The following CEP76 variants were observed in gnomAD, a reference collection of about 807,000 sequenced individuals.
CEP76 encodes the protein centrosomal protein of 76 kDa.
A neutral mutation model predicts 83.3 loss-of-function variants in CEP76; 55 were observed. That is an observed-to-expected ratio of 0.66 (90% CI 0.53 to 0.83). The LOEUF (loss-of-function observed/expected upper bound fraction) is 0.83, where lower values mean the gene tolerates loss of function less well. Ranked by LOEUF, CEP76 falls within the 40% of genes least tolerant of loss-of-function variation. The pLI is 0.00. For missense variants in CEP76, 694 were observed against 799.5 expected, an observed-to-expected ratio of 0.87 and a Z score of 1.59; for synonymous variants, 270 against 274.5, an observed-to-expected ratio of 0.98 and a Z score of 0.16.
At chr18:12,702,104 C>T (rs892945889) in intron 1 of CEP76, among the ~76,000 whole-genome samples, 4 of 152,154 alleles carry the variant, frequency 2.6e-5, no homozygotes, top group African/African-American at 7.2e-5. Flanking sequence ...CCAGCCTGGG[C>T]AACAGAGAGA....
chr18:12,676,648 G>A (rs2039145886), intron 10 of CEP76, among the ~76,000 whole-genome samples: 1 of 152,120 alleles, frequency 6.6e-6, no homozygotes, highest in Admixed American at 6.6e-5. Flanking sequence ...GCCAATACAA[G>A]TGATGGAAGG....
intron 6 of CEP76, 44 bp downstream of exon 6, chr18:12,695,210 A>G: frequency 1.2e-6 from 1 of 861,034 alleles, no homozygotes; most frequent in South Asian, 1.9e-5. Flanking sequence ...ATATACTACT[A>G]TGAAAACAAA....
intron 11 of CEP76, 146 bp downstream of exon 11, chr18:12,674,390 C>T: frequency 1.6e-6 from 1 of 607,080 alleles, no homozygotes; most frequent in South Asian, 2.3e-5. Flanking sequence ...TACAGTGAGC[C>T]ATAACTGTGC....
chr18:12,683,505 CT>C (rs2039425303), intron 8 of CEP76, among the ~76,000 whole-genome samples: 1 of 151,998 alleles, frequency 6.6e-6, no homozygotes, highest in Non-Finnish European at 1.5e-5. Flanking sequence ...GAAATCAGCA[CT>C]TTAGGAGGCA....
At chr18:12,681,727 C>CATT (rs1338688170) in intron 8 of CEP76, among the ~76,000 whole-genome samples, 1 of 151,986 alleles carries the variant, frequency 6.6e-6, no homozygotes, top group Non-Finnish European at 1.5e-5. Flanking sequence ...CAACAAAATG[C>CATT]CAACAATGGT....
At chr18:12,698,197 A>G (rs1047210360) in intron 4 of CEP76, among the ~76,000 whole-genome samples, 2 of 151,588 alleles carry the variant, frequency 1.3e-5, no homozygotes, top group African/African-American at 4.8e-5. Flanking sequence ...AAAATTTATT[A>G]GAAGTTTTTA....
chr18:12,697,092 T>C lies in CEP76; in HGVS notation c.706+131A>G, dbSNP rs555250335. 17 of 628,478 alleles carry C rather than the reference T, an allele frequency of 2.7e-5. No individual in the cohort carries two copies. In the African/African-American group the frequency reaches 3.0e-4, roughly 11 times the overall value. The allele number at this position is 628,478 out of a possible 1,614,324, so 38.9% of individuals were successfully genotyped here. A position where few individuals can be genotyped will look rare whatever the true frequency, so the allele number is the denominator to read the frequency against. ...TCAAGATTAGGATGCTGAGGTCCAA[T>C]TGTAACTCTAACGAAATTCTATTTT... On this transcript the variant is annotated intron_variant, in intron 5 of 11. Transcript: ENST00000262127.
rs747919063 is a variant in CEP76 at position 12,699,223 on chromosome 18, A to G, written c.296-20T>C. 2 of 1,507,100 alleles carry G rather than the reference A, an allele frequency of 1.3e-6. No individual in the cohort carries two copies. The highest frequency in any genetic ancestry group is 1.2e-5 in the South Asian group (1 of 85,488). 93.4% of individuals were successfully genotyped at this position (1,507,100 alleles called of 1,614,324 possible). ...TATTAGCTGTAAAGTGTAGCAATATATATGAGGAAACTGCCAAATAACTTA... is the reference window on the plus strand; with the variant it reads ...TATTAGCTGTAAAGTGTAGCAATATGTATGAGGAAACTGCCAAATAACTTA... On this transcript the variant is annotated intron_variant, in intron 3 of 11. Coordinates refer to ENST00000262127, the MANE Select transcript of CEP76 (RefSeq NM_024899.4).
intron 12 of CEP76, among the ~76,000 whole-genome samples, chr18:12,666,600 G>GGTTGTT (rs760290157): frequency 6.6e-6 from 1 of 151,762 alleles, no homozygotes; most frequent in Non-Finnish European, 1.5e-5. Flanking sequence ...CACCATGCCT[G>GGTTGTT]GTTGTTGTTG....
At chr18:12,663,833 G>A (rs537538265) in intron 12 of CEP76, among the ~76,000 whole-genome samples, 6 of 152,228 alleles carry the variant, frequency 3.9e-5, no homozygotes, top group East Asian at 3.9e-4. Context: ...GCAGTGGTGC[G>A]ATCATAGCTC....
intron 10 of CEP76, among the ~76,000 whole-genome samples, chr18:12,675,449 G>C (rs1039161643): frequency 6.6e-6 from 1 of 151,948 alleles, no homozygotes; most frequent in African/African-American, 2.4e-5. Flanking sequence ...GAATGAATCT[G>C]TTTACTAAAG....
rs765503834 is a variant in CEP76, at chr18:12,673,337, AG to A, written c.*27del. The A allele has an allele frequency of 6.4e-7, 1 of 1,574,088 alleles. No individual in the cohort carries two copies. Among genetic ancestry groups the A allele is most frequent in the South Asian group, 1.2e-5 (1 of 84,706 alleles). On this transcript the variant is annotated 3_prime_UTR_variant, in exon 12 of 12. Coordinates refer to ENST00000262127, the MANE Select transcript of CEP76 (RefSeq NM_024899.4). ...AATGTGTAAAATTCCAATTAAACAC[AG>A]GTATAAATCTTATATAAATATTGGC...
chr18:12,671,744 G>A (rs1347442281), downstream of CEP76, among the ~76,000 whole-genome samples: 2 of 147,684 alleles, frequency 1.4e-5, no homozygotes, highest in Admixed American at 7.0e-5. Context: ...GGACTCAAGC[G>A]ATCCTTCCGC....
At chr18:12,664,359 C>T (rs1490275095) in intron 12 of CEP76, among the ~76,000 whole-genome samples, 2 of 151,650 alleles carry the variant, frequency 1.3e-5, no homozygotes, top group East Asian at 2.0e-4. Context: ...CTGGCTAACA[C>T]GGTGAAACCT....
At chr18:12,700,361 T>C (rs1276367308) in intron 2 of CEP76, 1 of 152,698 alleles carries the variant, frequency 6.5e-6, no homozygotes, top group African/African-American at 2.4e-5. Flanking sequence ...TATTCCCTAT[T>C]GTATTATGAA....
intron 6 of CEP76, among the ~76,000 whole-genome samples, chr18:12,693,096 T>C (rs2039826925): frequency 6.6e-6 from 1 of 152,188 alleles, no homozygotes; most frequent in Non-Finnish European, 1.5e-5. Flanking sequence ...AGTGCTGGGA[T>C]TACAGATTAA....
chr18:12,702,597 A>C lies in CEP76; in HGVS notation c.-49T>G, dbSNP rs1238461281. 1 of 1,574,758 alleles carries C rather than the reference A, an allele frequency of 6.4e-7. No homozygotes were observed. Among genetic ancestry groups the C allele is most frequent in the Non-Finnish European group, 8.6e-7 (1 of 1,165,156 alleles). ...CGCTTCTCCCCGCCTCAGATGCCCT[A>C]ACTGCGCGGCCCCGGCCGGGCCAGG... On this transcript the variant is annotated 5_prime_UTR_variant, in exon 1 of 12. Coordinates refer to ENST00000262127, the MANE Select transcript of CEP76 (RefSeq NM_024899.4).
chr18:12,699,712 T>A, intron 3 of CEP76, 118 bp downstream of exon 3: 2 of 608,242 alleles, frequency 3.3e-6, no homozygotes, highest in Non-Finnish European at 5.5e-6. Context: ...AACCATAAAA[T>A]TTTAAGTATT....
intron 7 of CEP76, 176 bp downstream of exon 7, chr18:12,691,183 T>C (rs939536999): frequency 1.4e-5 from 6 of 438,534 alleles, no homozygotes; most frequent in Non-Finnish European, 3.9e-6. Context: ...AAGACATAGA[T>C]TGATCTTGCC....
Sources: allele counts gnomAD v4.1 joint callset (sites outside exome capture counted in the v4.1 genomes callset), GRCh38; gene constraint gnomAD v4.1.1; transcripts MANE v1.5; gene names NCBI Gene and HGNC (gene_info 2026-07-23, HGNC 2026-07-21).